The following ZRANB3 variants were observed in gnomAD, a reference collection of about 807,000 sequenced individuals.
The protein encoded by ZRANB3 is DNA annealing helicase and endonuclease ZRANB3.
In ZRANB3, 125 loss-of-function variants were observed where a neutral mutation model predicts 133.8. The ratio of observed to expected loss-of-function variants is 0.93; its 90% CI spans 0.81 to 1.08. The LOEUF (loss-of-function observed/expected upper bound fraction) is 1.08. ZRANB3 is among the 50% of genes least tolerant of loss of function. The probability of loss-of-function intolerance (pLI) is 0.00; values close to 1 mark genes in which losing one functional copy is unlikely to be tolerated. For missense variants in ZRANB3, 1,229 were observed against 1,275.5 expected (o/e 0.96, Z 0.56); for synonymous variants, 387 against 432.7 (o/e 0.89, Z 1.31).
In ZRANB3 at chr2:135,273,822, C is replaced by T. The variant is rs112315875; in HGVS notation, c.1086+1814G>A. On this transcript the variant is annotated intron_variant, in intron 9 of 20. Transcript: ENST00000264159. ...AAAGTGCTGGGATTACAGGTGTGAG[C>T]CACCGCACCTGGCCTATATCTACAT... Among the ~76,000 whole-genome samples the T allele has an allele frequency of 3.0e-3, 450 of 152,232 alleles. 3 individuals are homozygous for T. Among genetic ancestry groups the T allele is most frequent in the African/African-American group, 0.01 (419 of 41,532 alleles).
chr2:135,265,814 T>A, intron 11 of ZRANB3, 128 bp from the exon 12 acceptor site: 1 of 968,478 alleles, frequency 1.0e-6, no homozygotes, highest in Non-Finnish European at 1.5e-6. Context: ...CAACATATCA[T>A]GGGCTTTAGT....
At chr2:135,470,357 A>G (rs1181880680) in intron 2 of ZRANB3, among the ~76,000 whole-genome samples, 1 of 151,470 alleles carries the variant, frequency 6.6e-6, no homozygotes, top group African/African-American at 2.4e-5. Context: ...CTCTAAAAGT[A>G]GGTATGTTTT....
intron 3 of ZRANB3, among the ~76,000 whole-genome samples, chr2:135,364,269 C>T (rs1022189515): frequency 6.6e-6 from 1 of 152,122 alleles, no homozygotes; most frequent in Non-Finnish European, 1.5e-5. Context: ...AATTTTTGGC[C>T]ATTTCCTCAT....
chr2:135,234,050 T>A (rs1211589362), intron 12 of ZRANB3, among the ~76,000 whole-genome samples: 2 of 151,984 alleles, frequency 1.3e-5, no homozygotes, highest in Non-Finnish European at 2.9e-5. Flanking sequence ...AGGAAACCCA[T>A]CTCATGTGCA....
At position 135,208,855 on chromosome 2, in the gene ZRANB3, AG is replaced by A; in HGVS notation, c.2606+12del. On this transcript the variant is annotated intron_variant, in intron 18 of 20. Transcript: ENST00000264159. ...ATTAGTACTACTATATACTAGTAGT[AG>A]AAAAACCTTACTTTGTGAAAGGATC... The A allele has an allele frequency of 6.2e-7, 1 of 1,608,210 alleles. No homozygotes were observed. Among genetic ancestry groups the A allele is most frequent in the Non-Finnish European group, 8.5e-7 (1 of 1,174,642 alleles).
intron 2 of ZRANB3, among the ~76,000 whole-genome samples, chr2:135,436,252 T>C (rs1689526852): frequency 6.6e-6 from 1 of 152,186 alleles, no homozygotes; most frequent in Admixed American, 6.5e-5. Context: ...TTTTCCCCCA[T>C]CGCTTGATTT....
At chr2:135,508,441 C>A (rs1340231266) in intron 1 of ZRANB3, among the ~76,000 whole-genome samples, 2 of 151,996 alleles carry the variant, frequency 1.3e-5, no homozygotes, top group Non-Finnish European at 2.9e-5. Context: ...CTGGCCAAGG[C>A]ACAATATTTG....
At chr2:135,458,800 G>A (rs373917549) in intron 2 of ZRANB3, among the ~76,000 whole-genome samples, 1 of 152,058 alleles carries the variant, frequency 6.6e-6, no homozygotes, top group Non-Finnish European at 1.5e-5. Context: ...AGGGTGATAT[G>A]TGCTAAATTT....
At chr2:135,380,859 A>T (rs1415574879) in intron 3 of ZRANB3, among the ~76,000 whole-genome samples, 1 of 152,160 alleles carries the variant, frequency 6.6e-6, no homozygotes, top group Non-Finnish European at 1.5e-5. Context: ...CCTTCAAAAA[A>T]TCAGTTAAGG....
chr2:135,262,189 ACT>A (rs994209470), intron 12 of ZRANB3, among the ~76,000 whole-genome samples: 22 of 150,540 alleles, frequency 1.5e-4, no homozygotes, highest in Non-Finnish European at 3.1e-4. Flanking sequence ...AACAAAGAAA[ACT>A]CTTTTTTAAA....
intron 2 of ZRANB3, among the ~76,000 whole-genome samples, chr2:135,470,252 G>T (rs1247570832): frequency 6.6e-6 from 1 of 150,656 alleles, no homozygotes; most frequent in Non-Finnish European, 1.5e-5. Flanking sequence ...TTGAACCCAG[G>T]AGACGAAGCT....
intron 2 of ZRANB3, among the ~76,000 whole-genome samples, chr2:135,480,100 AT>A (rs371237620): frequency 0.12 from 17,307 of 141,324 alleles, 1,250 homozygotes; most frequent in South Asian, 0.32. Flanking sequence ...TGTCAGGCTA[AT>A]TTTTTTTTTT....
chr2:135,228,030 A>C lies in ZRANB3; in HGVS notation c.1955-15T>G. 1 of 1,491,812 alleles carries C rather than the reference A, an allele frequency of 6.7e-7. No homozygotes were observed. Among genetic ancestry groups the C allele is most frequent in the Non-Finnish European group, 9.0e-7 (1 of 1,114,738 alleles). The allele number at this position is 1,491,812 out of a possible 1,614,324, so 92.4% of individuals were successfully genotyped here. On this transcript the variant is annotated splice_polypyrimidine_tract_variant and intron_variant, in intron 13 of 20. Coordinates refer to ENST00000264159, the MANE Select transcript of ZRANB3 (RefSeq NM_032143.4). Reference sequence around the variant, plus strand: ...TATTTGCATAACTATTAAAATAAAAATTATTACAAAAATGTAATAATTTAC... The same window carrying C: ...TATTTGCATAACTATTAAAATAAAACTTATTACAAAAATGTAATAATTTAC...
intron 12 of ZRANB3, among the ~76,000 whole-genome samples, chr2:135,263,677 T>A (rs975799587): frequency 6.6e-6 from 1 of 152,078 alleles, no homozygotes; most frequent in African/African-American, 2.4e-5. Context: ...AAGGAGCCAG[T>A]TTAAAGGAGC....
intron 2 of ZRANB3, among the ~76,000 whole-genome samples, chr2:135,470,760 C>A (rs1318839705): frequency 2.0e-5 from 3 of 151,518 alleles, no homozygotes; most frequent in African/African-American, 7.3e-5. Context: ...CAAGCTTTTT[C>A]ATCCTACAGA....
At chr2:135,387,300 T>C (rs1338274043) in intron 3 of ZRANB3, among the ~76,000 whole-genome samples, 2 of 152,246 alleles carry the variant, frequency 1.3e-5, no homozygotes, top group East Asian at 3.8e-4. Context: ...TAAATTGTAC[T>C]TCCTTCTCTG....
intron 8 of ZRANB3, among the ~76,000 whole-genome samples, chr2:135,312,448 T>C (rs1449596146): frequency 6.6e-6 from 1 of 152,018 alleles, no homozygotes; most frequent in East Asian, 1.9e-4. Flanking sequence ...ACAAAAAAAA[T>C]CTCAGAATCA....
At chr2:135,259,409 A>T (rs754389460) in intron 12 of ZRANB3, among the ~76,000 whole-genome samples, 5 of 150,162 alleles carry the variant, frequency 3.3e-5, no homozygotes, top group Non-Finnish European at 7.4e-5. Context: ...ACCATTCTAC[A>T]TATTTTTATT....
intron 12 of ZRANB3, among the ~76,000 whole-genome samples, chr2:135,233,481 C>T (rs572775470): frequency 3.3e-5 from 5 of 152,150 alleles, no homozygotes; most frequent in African/African-American, 1.2e-4. Context: ...AACTCCAAGA[C>T]ATACAATCGT....
Sources: allele counts gnomAD v4.1 joint callset (sites outside exome capture counted in the v4.1 genomes callset), GRCh38; gene constraint gnomAD v4.1.1; transcripts MANE v1.5; gene names NCBI Gene and HGNC (gene_info 2026-07-23, HGNC 2026-07-21).